Variants in PTPRM observed in about 807,000 individuals in gnomAD.
PTPRM encodes the protein protein tyrosine phosphatase receptor type M, also known as receptor-type tyrosine-protein phosphatase mu.
In PTPRM, 47 loss-of-function variants were observed where a neutral mutation model predicts 186.7. That is an observed-to-expected ratio of 0.25 (90% CI 0.20 to 0.32). The LOEUF (loss-of-function observed/expected upper bound fraction) is 0.32, where lower values mean the gene tolerates loss of function less well. PTPRM is among the 10% of genes least tolerant of loss of function. The pLI, the probability that PTPRM is intolerant of heterozygous loss-of-function variation, is 1.00. For synonymous variants in PTPRM, 668 were observed against 674.9 expected (o/e 0.99, Z 0.16); for missense variants, 1,494 against 1,865.0 (o/e 0.80, Z 3.66).
At chr18:8,178,025 G>C (rs546091528) in intron 14 of PTPRM, among the ~76,000 whole-genome samples, 1 of 152,282 alleles carries the variant, frequency 6.6e-6, no homozygotes, top group African/African-American at 2.4e-5. Context: ...GTTAAACTCT[G>C]CCACTTTGCC....
intron 21 of PTPRM, among the ~76,000 whole-genome samples, chr18:8,318,880 G>C (rs572355851): frequency 1.8e-3 from 280 of 152,356 alleles, no homozygotes; most frequent in Non-Finnish European, 2.7e-3. Context: ...CTTTGTAAGA[G>C]TAATGCTCAT....
chr18:8,225,195 A>G (rs1287849822), intron 14 of PTPRM, among the ~76,000 whole-genome samples: 4 of 152,164 alleles, frequency 2.6e-5, no homozygotes. Context: ...CTCAAGATAA[A>G]TGTCTGAAGT....
intron 1 of PTPRM, among the ~76,000 whole-genome samples, chr18:7,762,647 C>T (rs1414109925): frequency 6.6e-6 from 1 of 152,012 alleles, no homozygotes; most frequent in Non-Finnish European, 1.5e-5. Context: ...GTGGGATATA[C>T]TGGAGAGAGC....
intron 7 of PTPRM, among the ~76,000 whole-genome samples, chr18:7,975,158 G>C (rs1234741115): frequency 6.6e-6 from 1 of 152,214 alleles, no homozygotes; most frequent in Non-Finnish European, 1.5e-5. Flanking sequence ...CTTATTTGTT[G>C]CTGGTGAAAA....
chr18:7,579,336 A>G (rs967413119), intron 1 of PTPRM, among the ~76,000 whole-genome samples: 1 of 152,188 alleles, frequency 6.6e-6, no homozygotes, highest in African/African-American at 2.4e-5. Context: ...GATCTTCTTT[A>G]AAGTTGAAGA....
At chr18:8,147,685 A>G (rs1307182120) in intron 14 of PTPRM, among the ~76,000 whole-genome samples, 5 of 152,158 alleles carry the variant, frequency 3.3e-5, no homozygotes, top group Non-Finnish European at 7.4e-5. Context: ...TACTATGTTA[A>G]ATAGGAGTGA....
intron 13 of PTPRM, among the ~76,000 whole-genome samples, chr18:8,132,796 G>A (rs933501364): frequency 6.6e-6 from 1 of 152,116 alleles, no homozygotes. Context: ...GTTGAGTGCT[G>A]AAGATATAAC....
intron 27 of PTPRM, 134 bp from the exon 28 acceptor site, chr18:8,379,033 G>A (rs2095714032): frequency 7.6e-6 from 5 of 654,258 alleles, no homozygotes; most frequent in Non-Finnish European, 1.2e-5. Context: ...TCGAACTATG[G>A]TGGGTTGGGG....
chr18:8,368,983 A>T (rs2095648506), intron 23 of PTPRM, among the ~76,000 whole-genome samples: 1 of 151,284 alleles, frequency 6.6e-6, no homozygotes. Context: ...CAGCAAAAAG[A>T]GCTCACATCT....
At chr18:8,222,581 C>T (rs185240927) in intron 14 of PTPRM, among the ~76,000 whole-genome samples, 6 of 152,220 alleles carry the variant, frequency 3.9e-5, no homozygotes, top group East Asian at 3.9e-4. Flanking sequence ...TTCATCTGAG[C>T]GGGGACAGAG....
intron 1 of PTPRM, among the ~76,000 whole-genome samples, chr18:7,743,975 T>G (rs952487473): frequency 2.0e-5 from 3 of 152,210 alleles, no homozygotes; most frequent in Non-Finnish European, 4.4e-5. Context: ...ATCAGGCTTC[T>G]GACTTAGATT....
chr18:8,030,474 C>T (rs530546666), intron 7 of PTPRM, among the ~76,000 whole-genome samples: 2 of 152,300 alleles, frequency 1.3e-5, no homozygotes, highest in African/African-American at 4.8e-5. Flanking sequence ...ATAAGGAATA[C>T]TATGTCAAAG....
chr18:8,254,627 C>T (rs184740483), intron 19 of PTPRM, among the ~76,000 whole-genome samples: 2 of 152,238 alleles, frequency 1.3e-5, no homozygotes, highest in Non-Finnish European at 2.9e-5. Flanking sequence ...CTGTTTCTAC[C>T]ACCTGGATAG....
chr18:8,146,867 A>G (rs1179071816), intron 14 of PTPRM, among the ~76,000 whole-genome samples: 2 of 152,194 alleles, frequency 1.3e-5, no homozygotes, highest in Non-Finnish European at 2.9e-5. Flanking sequence ...AGTTTTCTGC[A>G]TATGGCTAGC....
chr18:8,003,559 G>A (rs2083996701), intron 7 of PTPRM, among the ~76,000 whole-genome samples: 1 of 152,222 alleles, frequency 6.6e-6, no homozygotes, highest in Admixed American at 6.5e-5. Context: ...GATGGTCTGA[G>A]CACCGTATCA....
At chr18:7,580,699 C>T (rs758603114) in intron 1 of PTPRM, among the ~76,000 whole-genome samples, 1 of 152,180 alleles carries the variant, frequency 6.6e-6, no homozygotes, top group Non-Finnish European at 1.5e-5. Context: ...AGAGAATCAA[C>T]GGAGACTTTG....
At chr18:8,021,919 T>C (rs2085261121) in intron 7 of PTPRM, among the ~76,000 whole-genome samples, 1 of 152,164 alleles carries the variant, frequency 6.6e-6, no homozygotes, top group East Asian at 1.9e-4. Flanking sequence ...TTTAGACTAA[T>C]CAGTAGATAT....
At chr18:7,757,550 G>A (rs895110674) in intron 1 of PTPRM, among the ~76,000 whole-genome samples, 5 of 152,186 alleles carry the variant, frequency 3.3e-5, no homozygotes, top group Non-Finnish European at 4.4e-5. Context: ...AGCAGCAGGT[G>A]GGCGTTTCTG....
intron 1 of PTPRM, among the ~76,000 whole-genome samples, chr18:7,633,307 T>A (rs73387560): frequency 2.0e-5 from 3 of 152,208 alleles, no homozygotes; most frequent in African/African-American, 7.2e-5. Flanking sequence ...CTCTCTTTCA[T>A]GTATTCTGTG....
Sources: allele counts gnomAD v4.1 joint callset (sites outside exome capture counted in the v4.1 genomes callset), GRCh38; gene constraint gnomAD v4.1.1; transcripts MANE v1.5; gene names NCBI Gene and HGNC (gene_info 2026-07-23, HGNC 2026-07-21).